Variants in SNTG2 observed in about 807,000 individuals in gnomAD.
The protein encoded by SNTG2 is gamma-2-syntrophin.
SNTG2 carries 74 observed loss-of-function variants against 70.9 expected under a neutral mutation model. That is an observed-to-expected ratio of 1.04 (90% CI 0.86 to 1.27). The LOEUF is 1.27. Among genes scored for constraint, SNTG2 ranks in the 50% most tolerant of loss-of-function variants. The probability of loss-of-function intolerance (pLI) is 0.00; values close to 1 mark genes in which losing one functional copy is unlikely to be tolerated. For synonymous variants in SNTG2, 278 were observed against 273.8 expected (o/e 1.02, Z -0.15); for missense variants, 717 against 690.7 (o/e 1.04, Z -0.43).
At chr2:1,258,445 G>A (rs892886140) in intron 12 of SNTG2, among the ~76,000 whole-genome samples, 7 of 152,120 alleles carry the variant, frequency 4.6e-5, no homozygotes, top group African/African-American at 1.7e-4. Flanking sequence ...TGACTCTAGG[G>A]CAATAAAATA....
intron 1 of SNTG2, among the ~76,000 whole-genome samples, chr2:1,066,360 C>T (rs952850460): frequency 9.2e-5 from 14 of 151,736 alleles, no homozygotes; most frequent in African/African-American, 3.4e-4. Context: ...TTGCAGTGTA[C>T]AGTCACGTGT....
In SNTG2 at chr2:1,167,212, C is replaced by T. The variant is rs182558658; in HGVS notation, c.499+1577C>T. On this transcript the variant is annotated intron_variant, in intron 7 of 16. Transcript: ENST00000308624. ...AAACCTACAGGCCGCCCACAGATGG[C>T]GGAACTGAAGCCTACAAGCCACCCA... 2.5e-4 allele frequency among the ~76,000 whole-genome samples: 37 copies of T among 150,752 alleles called. No homozygotes were observed. In the East Asian group the frequency reaches 5.9e-3, roughly 24 times the overall value.
At chr2:1,289,525 A>G (rs1679902951) in intron 14 of SNTG2, among the ~76,000 whole-genome samples, 5 of 152,084 alleles carry the variant, frequency 3.3e-5, no homozygotes, top group Non-Finnish European at 7.4e-5. Context: ...CTTAGCAAAC[A>G]CTGACATCCG....
At chr2:1,347,879 G>A (rs547931673) in intron 16 of SNTG2, among the ~76,000 whole-genome samples, 10 of 152,242 alleles carry the variant, frequency 6.6e-5, no homozygotes, top group African/African-American at 2.4e-4. Context: ...TCATGTTCCT[G>A]GAATTTGTGA....
intron 1 of SNTG2, among the ~76,000 whole-genome samples, chr2:964,891 A>G (rs959934965): frequency 1.1e-4 from 16 of 152,118 alleles, no homozygotes; most frequent in African/African-American, 3.9e-4. Flanking sequence ...AACTTGGAAG[A>G]CGGGGAGAAT....
intron 14 of SNTG2, among the ~76,000 whole-genome samples, chr2:1,268,030 A>C (rs1678841286): frequency 6.6e-6 from 1 of 152,242 alleles, no homozygotes. Flanking sequence ...AGAATATAAA[A>C]CAGCTTGTGT....
intron 6 of SNTG2, among the ~76,000 whole-genome samples, chr2:1,138,455 T>G (rs1318042387): frequency 6.6e-6 from 1 of 152,100 alleles, no homozygotes; most frequent in Non-Finnish European, 1.5e-5. Flanking sequence ...AGCCTCACCA[T>G]AGGGCTGATG....
chr2:1,213,822 A>T lies in SNTG2; in HGVS notation c.719+4592A>T, dbSNP rs568400142. Among the ~76,000 whole-genome samples the T allele has an allele frequency of 2.6e-5, 4 of 152,340 alleles. No individual in the cohort carries two copies. The East Asian group carries it at 5.8e-4, about 22-fold the overall frequency. On this transcript the variant is annotated intron_variant, in intron 9 of 16. Coordinates refer to ENST00000308624, the MANE Select transcript of SNTG2 (RefSeq NM_018968.4). Reference sequence around the variant, plus strand: ...TGTGCTTTTGGGTCATATTCAAGAAATCATTAACCAAATAAAAGTCGTGGA... The same window carrying T: ...TGTGCTTTTGGGTCATATTCAAGAATTCATTAACCAAATAAAAGTCGTGGA...
At chr2:1,222,181 C>CT (rs1675276235) in intron 9 of SNTG2, among the ~76,000 whole-genome samples, 1 of 151,720 alleles carries the variant, frequency 6.6e-6, no homozygotes, top group East Asian at 1.9e-4. Context: ...CTCTTTTTCT[C>CT]CCTCTGCAGC....
chr2:1,234,244 T>TA (rs1169025671), intron 9 of SNTG2, among the ~76,000 whole-genome samples: 1 of 152,184 alleles, frequency 6.6e-6, no homozygotes, highest in Admixed American at 6.5e-5. Context: ...TTGCGTGACT[T>TA]ACACTAGTTA....
chr2:959,354 G>C (rs1349659080), intron 1 of SNTG2, among the ~76,000 whole-genome samples: 1 of 152,166 alleles, frequency 6.6e-6, no homozygotes, highest in African/African-American at 2.4e-5. Flanking sequence ...AATGCTATGA[G>C]CTTTATGTAT....
intron 14 of SNTG2, among the ~76,000 whole-genome samples, chr2:1,287,499 C>T (rs939062075): frequency 2.0e-5 from 3 of 152,160 alleles, no homozygotes; most frequent in Admixed American, 6.5e-5. Flanking sequence ...CCCCTTTATT[C>T]GAGAAATGAG....
Position 1,116,601 on chromosome 2 carries a change from G to T in SNTG2, c.325+18191G>T, listed in dbSNP as rs1440929529. On this transcript the variant is annotated intron_variant, in intron 4 of 16. Transcript: ENST00000308624. ...TGGTGTACGGGTGCCCCGGTGTTCG[G>T]GTGCCCTGGTGTGTGGGTGCTCTGG... 2.7e-5 allele frequency among the ~76,000 whole-genome samples: 4 copies of T among 149,216 alleles called. No homozygotes were observed. In the East Asian group the frequency reaches 8.1e-4, roughly 30 times the overall value.
intron 11 of SNTG2, among the ~76,000 whole-genome samples, chr2:1,240,840 A>G (rs1676999808): frequency 8.0e-6 from 1 of 124,386 alleles, no homozygotes; most frequent in Non-Finnish European, 1.9e-5. Context: ...ACCATCAACT[A>G]TTTTTGTTTA....
At chr2:1,121,422 T>G (rs1667366407) in intron 4 of SNTG2, among the ~76,000 whole-genome samples, 1 of 151,928 alleles carries the variant, frequency 6.6e-6, no homozygotes, top group Admixed American at 6.6e-5. Flanking sequence ...AAACAGACAA[T>G]AGTAAACAAT....
intron 11 of SNTG2, among the ~76,000 whole-genome samples, chr2:1,240,006 C>T (rs953762958): frequency 6.6e-6 from 1 of 152,146 alleles, no homozygotes; most frequent in Non-Finnish European, 1.5e-5. Flanking sequence ...TCATTCTGAT[C>T]TCCTGTGTAT....
chr2:1,283,724 G>C (rs1679652943), intron 14 of SNTG2, among the ~76,000 whole-genome samples: 1 of 152,116 alleles, frequency 6.6e-6, no homozygotes, highest in Non-Finnish European at 1.5e-5. Context: ...GACGTCCTCG[G>C]GACCATCACA....
At chr2:987,538 A>G (rs562175231) in intron 1 of SNTG2, among the ~76,000 whole-genome samples, 2 of 152,176 alleles carry the variant, frequency 1.3e-5, no homozygotes, top group South Asian at 4.2e-4. Context: ...GCCTGGAGCC[A>G]GGGGACTCCA....
At chr2:1,143,891 C>CCG in intron 6 of SNTG2, among the ~76,000 whole-genome samples, 1 of 144,474 alleles carries the variant, frequency 6.9e-6, no homozygotes, top group African/African-American at 2.7e-5. Context: ...AACAACCCCC[C>CCG]CCCAGAAAAA....
Sources: allele counts gnomAD v4.1 joint callset (sites outside exome capture counted in the v4.1 genomes callset), GRCh38; gene constraint gnomAD v4.1.1; transcripts MANE v1.5; gene names NCBI Gene and HGNC (gene_info 2026-07-23, HGNC 2026-07-21).